The following CATSPERD variants were observed in gnomAD, a reference collection of about 807,000 sequenced individuals.
CATSPERD encodes catsper channel auxiliary subunit delta.
In CATSPERD, 86 loss-of-function variants were observed where a neutral mutation model predicts 98.1. That is an observed-to-expected ratio of 0.88 (90% CI 0.74 to 1.05). The LOEUF (loss-of-function observed/expected upper bound fraction) is 1.05, where lower values mean the gene tolerates loss of function less well. CATSPERD is among the 50% of genes least tolerant of loss of function. The pLI, the probability that CATSPERD is intolerant of heterozygous loss-of-function variation, is 0.00. For synonymous variants in CATSPERD, 394 were observed against 390.2 expected (o/e 1.01, Z -0.12); for missense variants, 995 against 1,005.7 (o/e 0.99, Z 0.14).
intron 18 of CATSPERD, among the ~76,000 whole-genome samples, chr19:5,768,952 G>A (rs1257602754): frequency 1.3e-5 from 2 of 152,044 alleles, no homozygotes; most frequent in African/African-American, 2.4e-5. Context: ...TCAGGAGTTC[G>A]AGACCAGCCT....
Position 5,752,420 on chromosome 19 carries a change from G to C in CATSPERD, c.1164+597G>C, listed in dbSNP as rs188419914. 9.7e-3 allele frequency among the ~76,000 whole-genome samples: 1,470 copies of C among 152,200 alleles called. 18 individuals carry two copies. Among genetic ancestry groups the C allele is most frequent in the African/African-American group, 0.034 (1,408 of 41,520 alleles). ...GCCCAGGAGTTCGAGGCTGCAGTGA[G>C]CTATGATGGAGTCACTGCACTCCAG... On this transcript the variant is annotated intron_variant, in intron 12 of 21. Transcript: ENST00000381624.
At chr19:5,772,214 A>ATTTTTTTTTT (rs35847357) in intron 19 of CATSPERD, 7 of 154,422 alleles carry the variant, frequency 4.5e-5, no homozygotes, top group Admixed American at 2.2e-4. Context: ...TGCCCGGTTA[A>ATTTTTTTTTT]TTTTTTTTTT....
intron 9 of CATSPERD, among the ~76,000 whole-genome samples, chr19:5,747,909 G>A (rs912524986): frequency 1.6e-4 from 24 of 152,158 alleles, no homozygotes; most frequent in Admixed American, 3.9e-4. Flanking sequence ...CCCGCGCCTG[G>A]CAGAAGGGTT....
intron 7 of CATSPERD, among the ~76,000 whole-genome samples, chr19:5,739,825 C>A (rs1338027353): frequency 1.8e-4 from 19 of 105,418 alleles, no homozygotes; most frequent in Admixed American, 1.3e-3. Flanking sequence ...AGTGACAGAG[C>A]GAGACCTCAT....
intron 7 of CATSPERD, among the ~76,000 whole-genome samples, chr19:5,742,440 C>G (rs964015757): frequency 1.3e-5 from 2 of 152,114 alleles, no homozygotes; most frequent in Non-Finnish European, 2.9e-5. Context: ...GTTGAGCTCT[C>G]AGCACTGCTA....
intron 2 of CATSPERD, 81 bp from the exon 3 acceptor site, chr19:5,727,187 T>C: frequency 9.1e-7 from 1 of 1,095,706 alleles, no homozygotes; most frequent in South Asian, 1.3e-5. Flanking sequence ...AGAGCGAGAC[T>C]CTTGTCTCAA....
intron 1 of CATSPERD, among the ~76,000 whole-genome samples, chr19:5,721,826 T>C (rs1278988586): frequency 6.6e-6 from 1 of 151,774 alleles, no homozygotes; most frequent in African/African-American, 2.4e-5. Flanking sequence ...TCGTCTCTAC[T>C]AAAAATACAA....
intron 8 of CATSPERD, 122 bp downstream of exon 8, chr19:5,744,632 G>A (rs971755202): frequency 9.1e-6 from 5 of 550,382 alleles, no homozygotes; most frequent in Middle Eastern, 4.7e-4. Context: ...ACAGAGTCTC[G>A]CTCTGTCAGC....
chr19:5,724,189 G>A (rs991042104), intron 1 of CATSPERD, among the ~76,000 whole-genome samples: 1 of 151,850 alleles, frequency 6.6e-6, no homozygotes, highest in Non-Finnish European at 1.5e-5. Context: ...ACCTCCCAAA[G>A]CGCTGGGATT....
chr19:5,757,977 G>A (rs745904357), intron 14 of CATSPERD, 45 bp downstream of exon 14: 4 of 1,508,098 alleles, frequency 2.7e-6, no homozygotes, highest in East Asian at 2.3e-5. Context: ...CCCTTGAGAG[G>A]CCCCCTCTTC....
At chr19:5,763,374 A>ATAC in intron 16 of CATSPERD, 81 bp downstream of exon 16, 1 of 1,126,154 alleles carries the variant, frequency 8.9e-7, no homozygotes, top group Admixed American at 1.8e-5. Flanking sequence ...GGTTGCAATG[A>ATAC]GCTGAGATAG....
intron 12 of CATSPERD, among the ~76,000 whole-genome samples, chr19:5,753,100 C>T (rs1445947043): frequency 1.3e-5 from 2 of 151,734 alleles, no homozygotes; most frequent in African/African-American, 4.8e-5. Context: ...TCTCAAACCC[C>T]TGAACTTAAG....
chr19:5,759,219 G>A (rs543793214), intron 15 of CATSPERD, 75 bp downstream of exon 15: 331 of 1,376,838 alleles, frequency 2.4e-4, no homozygotes, highest in Admixed American at 7.9e-4. Flanking sequence ...AGAGAAGCAG[G>A]TCTGAGATCA....
At chr19:5,733,821 G>A (rs751359995) in intron 4 of CATSPERD, 35 bp from the exon 5 acceptor site, 11 of 1,331,214 alleles carry the variant, frequency 8.3e-6, no homozygotes, top group Admixed American at 1.9e-5. Context: ...TTGAAAAGAT[G>A]CTCTCATTGA....
At position 5,759,359 on chromosome 19, in the gene CATSPERD, C is replaced by T. The variant is rs1415567316; in HGVS notation, c.1427+215C>T. 2.0e-5 allele frequency among the ~76,000 whole-genome samples: 3 copies of T among 151,648 alleles called. No homozygotes were observed. The East Asian group carries it at 5.8e-4, about 30-fold the overall frequency. ...GGTGGATCACCTGAGGTCAGGAGTT[C>T]GAAACCAGCCTAGCCAACACGGTGA... On this transcript the variant is annotated intron_variant, in intron 15 of 21. Coordinates refer to ENST00000381624, the MANE Select transcript of CATSPERD (RefSeq NM_152784.4).
At chr19:5,771,131 G>T in intron 19 of CATSPERD, 59 bp downstream of exon 19, 5 of 1,560,256 alleles carry the variant, frequency 3.2e-6, no homozygotes, top group Non-Finnish European at 4.3e-6. Flanking sequence ...ATGCTCCCTG[G>T]CCCTGGGGTA....
intron 4 of CATSPERD, among the ~76,000 whole-genome samples, chr19:5,731,528 A>G (rs1179874848): frequency 7.0e-6 from 1 of 143,296 alleles, no homozygotes; most frequent in East Asian, 2.0e-4. Context: ...TATCGAAAAT[A>G]CCAATATTTC....
At chr19:5,723,310 G>C (rs1049731484) in intron 1 of CATSPERD, among the ~76,000 whole-genome samples, 1 of 151,314 alleles carries the variant, frequency 6.6e-6, no homozygotes, top group African/African-American at 2.4e-5. Context: ...TTTGACGGAG[G>C]CTTGCTCTGT....
chr19:5,745,823 T>A (rs1377470074), intron 8 of CATSPERD, 90 bp from the exon 9 acceptor site: 2 of 1,371,734 alleles, frequency 1.5e-6, no homozygotes, highest in Non-Finnish European at 2.0e-6. Flanking sequence ...CCCCTGCACC[T>A]GCTAGCCAGA....
Sources: gnomAD v4.1 joint callset for allele counts (sites outside exome capture counted in the v4.1 genomes callset) on GRCh38, gnomAD v4.1.1 for gene constraint, MANE v1.5 for transcripts, NCBI Gene and HGNC (gene_info 2026-07-23, HGNC 2026-07-21) for gene names.